Variants in PARD3B observed in about 807,000 individuals in gnomAD.
The protein encoded by PARD3B is partitioning defective 3 homolog B.
In PARD3B, 103 loss-of-function variants were observed where a neutral mutation model predicts 130.2. The observed-to-expected ratio is 0.79, with a 90% CI of 0.67 to 0.93. The LOEUF (loss-of-function observed/expected upper bound fraction) is 0.93. Among genes scored for constraint, PARD3B ranks in the 40% least tolerant of loss-of-function variants. PARD3B has a pLI of 0.00. For synonymous variants in PARD3B, 583 were observed against 553.2 expected, an observed-to-expected ratio of 1.05 and a Z score of -0.76; for missense variants, 1,609 against 1,499.2, an observed-to-expected ratio of 1.07 and a Z score of -1.21.
chr2:204,852,605 G>A lies in PARD3B; in HGVS notation c.223-112547G>A, dbSNP rs60668027. 1.5e-3 allele frequency among the ~76,000 whole-genome samples: 231 copies of A among 152,266 alleles called. 3 individuals carry two copies. The highest frequency in any genetic ancestry group is 5.4e-3 in the African/African-American group (223 of 41,564). On this transcript the variant is annotated intron_variant, in intron 2 of 22. Transcript: ENST00000406610. ...TTAACCAGTGGATTTCTAGGGATTA[G>A]TATATTTCTCAAGAGGCTGAGGCGT...
chr2:205,272,973 A>G (rs1007636798), intron 16 of PARD3B, among the ~76,000 whole-genome samples: 3 of 152,222 alleles, frequency 2.0e-5, no homozygotes, highest in Non-Finnish European at 4.4e-5. Context: ...GTAGTTATAC[A>G]TGAGACAGAT....
chr2:205,594,749 T>C (rs913621347), intron 22 of PARD3B, among the ~76,000 whole-genome samples: 1 of 152,150 alleles, frequency 6.6e-6, no homozygotes, highest in Non-Finnish European at 1.5e-5. Context: ...TGGGAGTGTA[T>C]AAAAATGAGC....
intron 22 of PARD3B, among the ~76,000 whole-genome samples, chr2:205,596,672 C>T (rs1250062623): frequency 6.6e-6 from 1 of 152,144 alleles, no homozygotes; most frequent in Non-Finnish European, 1.5e-5. Context: ...TGCTTTGGTG[C>T]TGGGTATGGG....
Position 204,759,709 on chromosome 2 carries a change from T to TA in PARD3B, c.222+73428dup, listed in dbSNP as rs1574912365. ...AATAGTCTGTTTCCTTGGATTTTGA[T>TA]ACCTATTGCCCAAGTGCCTTCCAAA... On this transcript the variant is annotated intron_variant, in intron 2 of 22. Coordinates refer to ENST00000406610, the MANE Select transcript of PARD3B (RefSeq NM_001302769.2). Among the ~76,000 whole-genome samples, 3 of 152,132 alleles carry TA rather than the reference T, an allele frequency of 2.0e-5. No homozygotes were observed. The East Asian group carries it at 5.8e-4, about 29-fold the overall frequency.
intron 21 of PARD3B, among the ~76,000 whole-genome samples, chr2:205,538,245 T>A (rs1423570076): frequency 6.6e-6 from 1 of 152,130 alleles, no homozygotes; most frequent in African/African-American, 2.4e-5. Flanking sequence ...AAGAGAATAG[T>A]TCTGTCTGAC....
chr2:204,841,269 A>T (rs968171477), intron 2 of PARD3B, among the ~76,000 whole-genome samples: 1 of 152,084 alleles, frequency 6.6e-6, no homozygotes, highest in Non-Finnish European at 1.5e-5. Context: ...TGGAATGGAA[A>T]ATTATAGCCT....
At chr2:205,455,238 AG>A (rs1291086045) in intron 20 of PARD3B, among the ~76,000 whole-genome samples, 1 of 152,102 alleles carries the variant, frequency 6.6e-6, no homozygotes, top group Non-Finnish European at 1.5e-5. Flanking sequence ...TACCTACATC[AG>A]AGTGTTATTA....
intron 1 of PARD3B, among the ~76,000 whole-genome samples, chr2:204,629,937 G>A (rs569657721): frequency 6.6e-6 from 1 of 152,250 alleles, no homozygotes; most frequent in African/African-American, 2.4e-5. Context: ...TTATTGATGT[G>A]TATATGCAGC....
chr2:205,551,734 G>A (rs555262868), intron 21 of PARD3B, among the ~76,000 whole-genome samples: 4 of 152,172 alleles, frequency 2.6e-5, no homozygotes, highest in Non-Finnish European at 5.9e-5. Context: ...AGCTGGGATG[G>A]AATGGTAGTT....
At chr2:205,404,715 A>G (rs546689834) in intron 19 of PARD3B, among the ~76,000 whole-genome samples, 1 of 151,290 alleles carries the variant, frequency 6.6e-6, no homozygotes, top group East Asian at 1.9e-4. Flanking sequence ...GTCTCGCGCT[A>G]CGTTGTACAG....
chr2:204,761,615 T>C (rs1470970566), intron 2 of PARD3B, among the ~76,000 whole-genome samples: 1 of 152,052 alleles, frequency 6.6e-6, no homozygotes, highest in East Asian at 1.9e-4. Flanking sequence ...AAAAAATAGA[T>C]TTTTCATGGT....
chr2:205,006,158 G>A, intron 3 of PARD3B, among the ~76,000 whole-genome samples: 1 of 152,030 alleles, frequency 6.6e-6, no homozygotes, highest in Non-Finnish European at 1.5e-5. Context: ...CTTTTTTATG[G>A]CTGAGTAGTA....
intron 2 of PARD3B, among the ~76,000 whole-genome samples, chr2:204,822,034 T>A (rs1039353915): frequency 6.6e-6 from 1 of 152,240 alleles, no homozygotes; most frequent in African/African-American, 2.4e-5. Flanking sequence ...CCATAGATAG[T>A]GATTCCTTAA....
intron 2 of PARD3B, among the ~76,000 whole-genome samples, chr2:204,923,062 T>C (rs1392006488): frequency 6.6e-6 from 1 of 152,072 alleles, no homozygotes; most frequent in East Asian, 1.9e-4. Context: ...TCTGACTGCT[T>C]TGTGTTTATG....
intron 11 of PARD3B, among the ~76,000 whole-genome samples, chr2:205,167,983 C>T (rs957872421): frequency 5.9e-5 from 9 of 152,160 alleles, no homozygotes; most frequent in African/African-American, 2.2e-4. Context: ...GTCCTCTGTG[C>T]GTCCTACTGT....
chr2:205,561,858 C>T (rs2053148935), intron 22 of PARD3B, among the ~76,000 whole-genome samples: 2 of 152,176 alleles, frequency 1.3e-5, no homozygotes, highest in South Asian at 4.1e-4. Context: ...CAGTGAAGCT[C>T]TTTTACCCCA....
chr2:205,238,853 T>A (rs2878691), intron 15 of PARD3B, among the ~76,000 whole-genome samples: 23,347 of 54,198 alleles, frequency 0.43, 4,961 homozygotes, highest in East Asian at 0.58. Flanking sequence ...AAAAAAAATA[T>A]ATATATATAT....
chr2:205,300,459 T>C lies in PARD3B; in HGVS notation c.2186-71T>C. 1 of 1,394,200 alleles carries C rather than the reference T, an allele frequency of 7.2e-7. No individual in the cohort carries two copies. Among genetic ancestry groups the C allele is most frequent in the Non-Finnish European group, 1.0e-6 (1 of 990,084 alleles). The allele number at this position is 1,394,200 out of a possible 1,614,324, so 86.4% of individuals were successfully genotyped here. ...TTTTGGGATGTCCAGACAGAAATATTCTTAGAACAATAGCATTACACCACA... is the reference window on the plus strand; with the variant it reads ...TTTTGGGATGTCCAGACAGAAATATCCTTAGAACAATAGCATTACACCACA... On this transcript the variant is annotated intron_variant, in intron 16 of 22. Transcript: ENST00000406610. The surrounding 1 kb of genome is among the most constrained non-coding windows in gnomAD (Gnocchi z 4.1).
intron 21 of PARD3B, among the ~76,000 whole-genome samples, chr2:205,511,512 T>C (rs948778659): frequency 2.0e-5 from 3 of 152,210 alleles, no homozygotes; most frequent in African/African-American, 7.2e-5. Context: ...AATTCCAACT[T>C]CTACAATAAT....
Sources: gnomAD v4.1 joint callset for allele counts (sites outside exome capture counted in the v4.1 genomes callset) on GRCh38, gnomAD v4.1.1 for gene constraint, Gnocchi (gnomAD v3.1) non-coding constraint, MANE v1.5 for transcripts, NCBI Gene and HGNC (gene_info 2026-07-23, HGNC 2026-07-21) for gene names.